Variants in NBEA observed in about 807,000 individuals in gnomAD.
NBEA encodes lysosomal-trafficking regulator 2.
Under a neutral mutation model 343.4 loss-of-function variants are expected in NBEA, and 44 were observed. The ratio of observed to expected loss-of-function variants is 0.13; its 90% CI spans 0.10 to 0.16. NBEA has a LOEUF of 0.16. Ranked by LOEUF, NBEA falls within the 10% of genes least tolerant of loss-of-function variation. The pLI is 1.00. For synonymous variants in NBEA, 1,175 were observed against 1,238.7 expected (o/e 0.95, Z 1.08); for missense variants, 2,555 against 3,631.3 (o/e 0.70, Z 7.62).
chr13:35,437,888 A>T (rs1309395980), intron 39 of NBEA, among the ~76,000 whole-genome samples: 1 of 152,206 alleles, frequency 6.6e-6, no homozygotes, highest in Non-Finnish European at 1.5e-5. Context: ...CATTTCTAGC[A>T]TGTCAATATT....
intron 46 of NBEA, among the ~76,000 whole-genome samples, chr13:35,589,079 T>C (rs1303111783): frequency 6.6e-6 from 1 of 152,110 alleles, no homozygotes; most frequent in East Asian, 1.9e-4. Context: ...TTATCTTGAA[T>C]ACTGAGGCAT....
At chr13:35,107,276 TC>T (rs140600093) in intron 11 of NBEA, among the ~76,000 whole-genome samples, 15,810 of 151,062 alleles carry the variant, frequency 0.1, 985 homozygotes, top group African/African-American at 0.16. Context: ...TTGTTTTGGT[TC>T]CCCCCCCTTT....
intron 8 of NBEA, among the ~76,000 whole-genome samples, chr13:35,062,694 G>A (rs1468341673): frequency 6.6e-6 from 1 of 151,786 alleles, no homozygotes; most frequent in Non-Finnish European, 1.5e-5. Flanking sequence ...AATCCTTAAA[G>A]TTCTGAAAGG....
chr13:35,175,872 G>A (rs1433847455), intron 27 of NBEA, among the ~76,000 whole-genome samples: 1 of 152,000 alleles, frequency 6.6e-6, no homozygotes, highest in Non-Finnish European at 1.5e-5. Context: ...TGTGTGAAAA[G>A]GAACAATTAC....
At chr13:35,627,548 T>G (rs1245936503) in intron 48 of NBEA, among the ~76,000 whole-genome samples, 2 of 152,132 alleles carry the variant, frequency 1.3e-5, no homozygotes, top group African/African-American at 2.4e-5. Context: ...GCCCAGTGAT[T>G]CCCAAACTGT....
chr13:35,365,614 A>C (rs995789484), intron 38 of NBEA, among the ~76,000 whole-genome samples: 1 of 151,674 alleles, frequency 6.6e-6, no homozygotes, highest in Non-Finnish European at 1.5e-5. Flanking sequence ...TAGTGAGATA[A>C]ATTTCTTGAC....
At chr13:35,140,098 C>G (rs1243165730) in intron 17 of NBEA, among the ~76,000 whole-genome samples, 1 of 151,922 alleles carries the variant, frequency 6.6e-6, no homozygotes, top group Non-Finnish European at 1.5e-5. Flanking sequence ...CTCACTGCAG[C>G]CTTGATCTCC....
intron 41 of NBEA, among the ~76,000 whole-genome samples, chr13:35,515,203 G>A (rs2077436635): frequency 6.6e-6 from 1 of 152,188 alleles, no homozygotes; most frequent in African/African-American, 2.4e-5. Flanking sequence ...CCTTCATGTA[G>A]AGGGAAAGCA....
chr13:35,367,830 A>G (rs982927495), intron 38 of NBEA, among the ~76,000 whole-genome samples: 4 of 151,472 alleles, frequency 2.6e-5, no homozygotes, highest in African/African-American at 7.2e-5. Flanking sequence ...TGTAAACTAG[A>G]CTTATCCAAC....
intron 10 of NBEA, among the ~76,000 whole-genome samples, chr13:35,078,753 A>C (rs2064233658): frequency 1.3e-5 from 2 of 152,122 alleles, no homozygotes; most frequent in African/African-American, 4.8e-5. Context: ...TATCCTGAAG[A>C]CTTGAGGCAA....
intron 34 of NBEA, among the ~76,000 whole-genome samples, chr13:35,246,872 G>A (rs2031279940): frequency 6.6e-6 from 1 of 152,132 alleles, no homozygotes; most frequent in East Asian, 1.9e-4. Flanking sequence ...TATGATCTTT[G>A]TCTTCAGCTA....
chr13:35,298,211 G>GTATATATATATA (rs72309538), intron 35 of NBEA, among the ~76,000 whole-genome samples: 1 of 103,040 alleles, frequency 9.7e-6, no homozygotes, highest in African/African-American at 4.3e-5. Context: ...GTGTGTGTGT[G>GTATATATATATA]TATATATATA....
rs1388668149 is a variant in NBEA at position 35,610,450 on chromosome 13, A to G, written c.7449+3872A>G. Reference sequence around the variant, plus strand: ...ATAAAGATAAATTGGCATTCAACAAATGGTGCTGGAAAAATTGGTGCTAGA... The same window carrying G: ...ATAAAGATAAATTGGCATTCAACAAGTGGTGCTGGAAAAATTGGTGCTAGA... On this transcript the variant is annotated intron_variant, in intron 48 of 58. Transcript: ENST00000379939. 3.3e-5 allele frequency among the ~76,000 whole-genome samples: 5 copies of G among 152,172 alleles called. No individual in the cohort carries two copies. The East Asian group carries it at 9.6e-4, about 29-fold the overall frequency.
rs79297193 is a variant in NBEA at position 35,190,902 on chromosome 13, A to G, written c.4928-4962A>G. Among the ~76,000 whole-genome samples, 372 of 152,260 alleles carry G rather than the reference A, an allele frequency of 2.4e-3. 1 individual carries two copies. Among genetic ancestry groups the G allele is most frequent in the African/African-American group, 8.6e-3 (358 of 41,564 alleles). On this transcript the variant is annotated intron_variant, in intron 30 of 58. Transcript: ENST00000379939. Reference sequence around the variant, plus strand: ...GCATTTTCTAAAGAACTAAAGGTATAAGAGCGATATCTCACCAAAAGGAGG... The same window carrying G: ...GCATTTTCTAAAGAACTAAAGGTATGAGAGCGATATCTCACCAAAAGGAGG...
chr13:35,399,308 G>A (rs575862669), intron 38 of NBEA, among the ~76,000 whole-genome samples: 1 of 152,232 alleles, frequency 6.6e-6, no homozygotes, highest in South Asian at 2.1e-4. Context: ...GCCAGAGACT[G>A]GGTAATTTAT....
At chr13:35,042,834 A>G (rs2062704399) in intron 2 of NBEA, among the ~76,000 whole-genome samples, 1 of 151,874 alleles carries the variant, frequency 6.6e-6, no homozygotes, top group Non-Finnish European at 1.5e-5. Context: ...TATTATACTA[A>G]GGAAGAACCA....
intron 49 of NBEA, among the ~76,000 whole-genome samples, chr13:35,633,901 G>A (rs1042161001): frequency 6.6e-6 from 1 of 152,066 alleles, no homozygotes; most frequent in African/African-American, 2.4e-5. Flanking sequence ...GTAAAAAGAA[G>A]CAGTTGTGGC....
rs563865168 is a variant in NBEA, at chr13:35,117,551, G to A, written c.2082+58G>A. The stretch of plus-strand genomic sequence containing the variant: ...TATATTAGGTAGAAAGGAATTTCTG[G>A]CATGTTTTAAAATTATTAAATTAGT... On this transcript the variant is annotated intron_variant, in intron 14 of 58. Coordinates refer to ENST00000379939, the MANE Select transcript of NBEA (RefSeq NM_001385012.1). The A allele has an allele frequency of 1.0e-5, 9 of 861,518 alleles. No individual in the cohort carries two copies. The East Asian group carries it at 2.3e-4, about 22-fold the overall frequency. 53.4% of individuals were successfully genotyped at this position (861,518 alleles called of 1,614,324 possible).
chr13:35,651,824 A>G lies in NBEA; in HGVS notation c.7983A>G (p.Gly2661=), dbSNP rs1245107382. ...HNTVGLRGAP[G]YSLDQAHHLP... ...CTTTAGGCCTCAGAGGAGCTCCAGG[A>G]TACTCCTTGGATCAAGCCCACCATC... Residue 2661 remains glycine (G), a synonymous_variant, in exon 53 of 59, where the codon GGA becomes GGG. Coordinates refer to ENST00000379939, the MANE Select transcript of NBEA (RefSeq NM_001385012.1). The G allele has an allele frequency of 4.5e-6, 7 of 1,542,258 alleles. No individual in the cohort carries two copies. Among genetic ancestry groups the G allele is most frequent in the Non-Finnish European group, 6.1e-6 (7 of 1,138,554 alleles).
Sources: gnomAD v4.1 joint callset for allele counts (sites outside exome capture counted in the v4.1 genomes callset) on GRCh38, gnomAD v4.1.1 for gene constraint, MANE v1.5 for transcripts, NCBI Gene and HGNC (gene_info 2026-07-23, HGNC 2026-07-21) for gene names.